Variants in ZC3HAV1 observed in about 807,000 individuals in gnomAD.
ZC3HAV1 encodes zinc finger CCCH-type containing, antiviral 1.
In ZC3HAV1, 41 loss-of-function variants were observed where a neutral mutation model predicts 86.6. The ratio of observed to expected loss-of-function variants is 0.47; its 90% confidence interval spans 0.37 to 0.61. The LOEUF is 0.61. Ranked by LOEUF, ZC3HAV1 falls within the 20% of genes least tolerant of loss-of-function variation. ZC3HAV1 has a pLI of 0.00. For synonymous variants in ZC3HAV1, 421 were observed against 432.1 expected (o/e 0.97, Z 0.32); for missense variants, 964 against 1,141.1 (o/e 0.84, Z 2.24).
At chr7:139,056,020 A>G (rs1188726599) in intron 9 of ZC3HAV1, among the ~76,000 whole-genome samples, 4 of 152,236 alleles carry the variant, frequency 2.6e-5, no homozygotes, top group African/African-American at 9.6e-5. Context: ...ATAAGATGGG[A>G]CAGAACCACT....
At chr7:139,072,350 A>T (rs540539492) in intron 7 of ZC3HAV1, among the ~76,000 whole-genome samples, 7 of 151,970 alleles carry the variant, frequency 4.6e-5, no homozygotes, top group Admixed American at 4.6e-4. Flanking sequence ...ACACCCAGCT[A>T]ATTTTTTGTA....
chr7:139,047,989 C>A, intron 12 of ZC3HAV1, 136 bp from the exon 13 acceptor site: 1 of 910,646 alleles, frequency 1.1e-6, no homozygotes, highest in South Asian at 1.7e-5. Flanking sequence ...ATAAACTTTC[C>A]TTTGCACTTA....
intron 12 of ZC3HAV1, among the ~76,000 whole-genome samples, chr7:139,048,805 A>G (rs1430019335): frequency 6.6e-6 from 1 of 152,036 alleles, no homozygotes; most frequent in Non-Finnish European, 1.5e-5. Flanking sequence ...AATTCCAGAA[A>G]CATTGCTTAT....
At position 139,079,867 on chromosome 7, in the gene ZC3HAV1, G is replaced by T. The variant is rs372280660; in HGVS notation, c.1074C>A (p.Asn358Lys). ...TCGTCCAGGATGTGAGGCTCTTCCAGTTGGGGGCTGATGTTGAATTGGAAG... is the reference window on the plus strand; with the variant it reads ...TCGTCCAGGATGTGAGGCTCTTCCATTTGGGGGCTGATGTTGAATTGGAAG... ...YLASNSTSAP[N>K]WKSLTSWTND... Residue 358 changes from asparagine (N) to lysine (K), a missense_variant, in exon 4 of 13, where the codon AAC becomes AAA. Physicochemically the swap from Asn to Lys is moderately conservative, Grantham distance 94 (BLOSUM62 0). Transcript: ENST00000242351. 5 of 1,614,072 alleles carry T rather than the reference G, an allele frequency of 3.1e-6. No individual in the cohort carries two copies. The African/African-American group carries it at 5.3e-5, about 17-fold the overall frequency.
rs764355303 is a variant in ZC3HAV1, at chr7:139,061,154, A to G, written c.1994-16T>C. On this transcript the variant is annotated splice_polypyrimidine_tract_variant and intron_variant, in intron 8 of 12. Transcript: ENST00000242351. ...TGAATCATCCCTTTGGACAGAAAAA[A>G]AAATAAAAGCAGTGAGAATCAAGAT... The G allele has an allele frequency of 2.5e-6, 4 of 1,605,100 alleles. No homozygotes were observed. In the South Asian group the frequency reaches 3.3e-5, roughly 13 times the overall value.
rs531342665 is a variant in ZC3HAV1, at chr7:139,057,224, G to T, written c.2097-1929C>A. On this transcript the variant is annotated intron_variant, in intron 9 of 12. Coordinates refer to ENST00000242351, the MANE Select transcript of ZC3HAV1 (RefSeq NM_020119.4). ...TTTTTTTAAATTATCCAGGTGTGGT[G>T]GTGCACGGCTGTAGTTGCAGCTACT... Among the ~76,000 whole-genome samples, 30 of 152,076 alleles carry T rather than the reference G, an allele frequency of 2.0e-4. No individual in the cohort carries two copies. The South Asian group carries it at 2.3e-3, about 12-fold the overall frequency.
chr7:139,096,142 G>A (rs1325069001), intron 1 of ZC3HAV1, among the ~76,000 whole-genome samples: 3 of 152,132 alleles, frequency 2.0e-5, no homozygotes, highest in Non-Finnish European at 2.9e-5. Context: ...AGCCTCCCGA[G>A]TAGCTGGAAT....
chr7:139,062,227 CCA>C lies in ZC3HAV1; in HGVS notation c.1994-1091_1994-1090del, dbSNP rs10547164. 8.6e-3 allele frequency among the ~76,000 whole-genome samples: 1,274 copies of C among 148,438 alleles called. 12 individuals carry two copies. Among genetic ancestry groups the C allele is most frequent in the African/African-American group, 0.029 (1,173 of 40,790 alleles). On this transcript the variant is annotated intron_variant, in intron 8 of 12. Coordinates refer to ENST00000242351, the MANE Select transcript of ZC3HAV1 (RefSeq NM_020119.4). ...TCTTAAAATATGAAACAAACATAAA[CCA>C]CACACACACACACACACACACAAAG...
chr7:139,054,226 G>T, intron 10 of ZC3HAV1, 131 bp from the exon 11 acceptor site: 1 of 945,604 alleles, frequency 1.1e-6, no homozygotes, highest in Non-Finnish European at 1.5e-6. Flanking sequence ...GGATGAGCTG[G>T]CTTAGGGTTC....
chr7:139,095,541 G>A (rs1407638878), intron 1 of ZC3HAV1, among the ~76,000 whole-genome samples: 1 of 152,218 alleles, frequency 6.6e-6, no homozygotes, highest in Non-Finnish European at 1.5e-5. Context: ...GCCACGGCAA[G>A]CCACAGCCTG....
chr7:139,068,405 G>C (rs1363065563), intron 7 of ZC3HAV1, among the ~76,000 whole-genome samples: 1 of 152,186 alleles, frequency 6.6e-6, no homozygotes, highest in Non-Finnish European at 1.5e-5. Context: ...CTGCTTTTAA[G>C]TAACAGAAGG....
At position 139,079,267 on chromosome 7, in the gene ZC3HAV1, C is replaced by A; in HGVS notation, c.1471+203G>T. 3 of 1,536,922 alleles carry A rather than the reference C, an allele frequency of 2.0e-6. No individual in the cohort carries two copies. In the Admixed American group the frequency reaches 5.9e-5, roughly 30 times the overall value. On this transcript the variant is annotated intron_variant, in intron 4 of 12. Transcript: ENST00000242351. ...TGACTTGTGCAGGGGCAGTGGATTC[C>A]CCAGGTGTGGTGGGGACCAGGTTCC...
Position 139,097,434 on chromosome 7 carries a change from T to TTTTATTTTTTTTTA in ZC3HAV1, c.309-7676_309-7675insTAAAAAAAAATAAA, listed in dbSNP as rs1554445031. Among the ~76,000 whole-genome samples, 68 of 105,764 alleles carry TTTTATTTTTTTTTA rather than the reference T, an allele frequency of 6.4e-4. 1 individual carries two copies. The highest frequency in any genetic ancestry group is 2.8e-3 in the African/African-American group (62 of 22,066). 69.4% of individuals were successfully genotyped at this position (105,764 alleles called of 152,430 possible). ...TATATATATATATATATATATTTTTTTTTTTTTTTTTTTTCTTTGAGATGG... is the reference window on the plus strand; with the variant it reads ...TATATATATATATATATATATTTTTTTTTATTTTTTTTTATTTTTTTTTTTTTTCTTTGAGATGG... On this transcript the variant is annotated intron_variant, in intron 1 of 12. Coordinates refer to ENST00000242351, the MANE Select transcript of ZC3HAV1 (RefSeq NM_020119.4).
chr7:139,095,066 G>A (rs6974144), intron 1 of ZC3HAV1, among the ~76,000 whole-genome samples: 1,914 of 149,752 alleles, frequency 0.013, 46 homozygotes, highest in African/African-American at 0.045. Context: ...ACACCTAATA[G>A]GGTTGGCAAA....
intron 7 of ZC3HAV1, among the ~76,000 whole-genome samples, chr7:139,066,964 C>T (rs1407063051): frequency 6.6e-6 from 1 of 152,102 alleles, no homozygotes; most frequent in Non-Finnish European, 1.5e-5. Flanking sequence ...ATTTAGATTC[C>T]ATACTTCAGC....
At chr7:139,056,418 T>TTC (rs72365899) in intron 9 of ZC3HAV1, among the ~76,000 whole-genome samples, 76,899 of 131,142 alleles carry the variant, frequency 0.59, 22,078 homozygotes, top group East Asian at 0.68. Flanking sequence ...TTCTTTTCTT[T>TTC]TTTTTTTTTT....
At chr7:139,080,697 T>C (rs73170907) in intron 3 of ZC3HAV1, among the ~76,000 whole-genome samples, 19,814 of 152,144 alleles carry the variant, frequency 0.13, 1,435 homozygotes, top group South Asian at 0.23. Context: ...CCGGCTCTCT[T>C]CTGGGACTCA....
chr7:139,055,357 T>C, intron 9 of ZC3HAV1, 62 bp from the exon 10 acceptor site: 6 of 1,464,296 alleles, frequency 4.1e-6, no homozygotes, highest in Non-Finnish European at 4.7e-6. Flanking sequence ...TGATGTTTTC[T>C]CTTAACTTCC....
At chr7:139,070,351 C>T (rs1816732475) in intron 7 of ZC3HAV1, among the ~76,000 whole-genome samples, 1 of 151,870 alleles carries the variant, frequency 6.6e-6, no homozygotes. Context: ...ACTAAATGTC[C>T]CAGCGAGAAC....
Sources: allele counts gnomAD v4.1 joint callset (sites outside exome capture counted in the v4.1 genomes callset), GRCh38; gene constraint gnomAD v4.1.1; transcripts MANE v1.5; gene names NCBI Gene and HGNC (gene_info 2026-07-23, HGNC 2026-07-21).